Variants in SMARCC1 observed in about 807,000 individuals in gnomAD.
SMARCC1 encodes the protein SWI/SNF related BAF chromatin remodeling complex subunit C1.
Under a neutral mutation model 147.4 loss-of-function variants are expected in SMARCC1, and 43 were observed. That is an observed-to-expected ratio of 0.29 (90% CI 0.23 to 0.38). SMARCC1 has a LOEUF of 0.38. Among genes scored for constraint, SMARCC1 ranks in the 10% least tolerant of loss-of-function variants. The probability of loss-of-function intolerance (pLI) is 1.00; values close to 1 mark genes in which losing one functional copy is unlikely to be tolerated. For missense variants in SMARCC1, 1,119 were observed against 1,381.1 expected, an observed-to-expected ratio of 0.81 and a Z score of 3.01; for synonymous variants, 495 against 484.4, an observed-to-expected ratio of 1.02 and a Z score of -0.29.
At chr3:47,647,581 C>T (rs879508995) in intron 21 of SMARCC1, among the ~76,000 whole-genome samples, 5 of 152,180 alleles carry the variant, frequency 3.3e-5, no homozygotes, top group Admixed American at 6.5e-5. Context: ...TAAAGCATTT[C>T]GGGTTCTCCT....
intron 2 of SMARCC1, among the ~76,000 whole-genome samples, chr3:47,760,702 C>G (rs550263187): frequency 6.6e-6 from 1 of 152,058 alleles, no homozygotes; most frequent in African/African-American, 2.4e-5. Context: ...AACAAACAAA[C>G]GTCAATCAGC....
chr3:47,677,495 G>A (rs1246308796), intron 16 of SMARCC1, among the ~76,000 whole-genome samples: 1 of 148,578 alleles, frequency 6.7e-6, no homozygotes, highest in Non-Finnish European at 1.5e-5. Flanking sequence ...TTTATGATTT[G>A]ACTAAAAAAT....
intron 13 of SMARCC1, among the ~76,000 whole-genome samples, chr3:47,688,374 A>T (rs2033754223): frequency 6.6e-6 from 1 of 151,904 alleles, no homozygotes; most frequent in Admixed American, 6.6e-5. Context: ...TTCTTGAAAT[A>T]CTTTTCCGGA....
At chr3:47,638,033 C>G (rs905456979) in intron 22 of SMARCC1, among the ~76,000 whole-genome samples, 2 of 152,204 alleles carry the variant, frequency 1.3e-5, no homozygotes, top group African/African-American at 4.8e-5. Context: ...TTCTGTCATT[C>G]TCTCCTGGCA....
At chr3:47,738,636 A>G (rs1458817071) in intron 3 of SMARCC1, among the ~76,000 whole-genome samples, 1 of 152,094 alleles carries the variant, frequency 6.6e-6, no homozygotes, top group Non-Finnish European at 1.5e-5. Flanking sequence ...GTGAGCCGGG[A>G]TCACGCCACT....
At chr3:47,720,294 T>A (rs1394760540) in intron 7 of SMARCC1, among the ~76,000 whole-genome samples, 1 of 151,864 alleles carries the variant, frequency 6.6e-6, no homozygotes, top group African/African-American at 2.4e-5. Flanking sequence ...TGGCTAATTT[T>A]TTTTATTTTT....
At chr3:47,728,782 G>A (rs763005682) in intron 6 of SMARCC1, among the ~76,000 whole-genome samples, 19 of 152,004 alleles carry the variant, frequency 1.2e-4, no homozygotes, top group Non-Finnish European at 1.5e-4. Context: ...ATGGTGGTGG[G>A]CGCCTATATT....
intron 27 of SMARCC1, 109 bp from the exon 28 acceptor site, chr3:47,588,415 A>T (rs2032112809): frequency 1.1e-6 from 1 of 929,902 alleles, no homozygotes; most frequent in Admixed American, 2.1e-5. Flanking sequence ...AGTGGCAGGC[A>T]ACCAATGCAC....
At chr3:47,680,314 C>T in intron 15 of SMARCC1, 123 bp downstream of exon 15, 1 of 730,120 alleles carries the variant, frequency 1.4e-6, no homozygotes, top group South Asian at 1.5e-5. Context: ...GAGATATGAA[C>T]ACTGTTCTGA....
chr3:47,616,159 C>T (rs2032641110), intron 25 of SMARCC1, among the ~76,000 whole-genome samples: 1 of 152,196 alleles, frequency 6.6e-6, no homozygotes. Context: ...CCCTTCAATT[C>T]TCTCCAGGTA....
intron 25 of SMARCC1, among the ~76,000 whole-genome samples, chr3:47,612,932 C>T (rs990289879): frequency 3.9e-5 from 6 of 152,180 alleles, no homozygotes; most frequent in Non-Finnish European, 7.3e-5. Context: ...GCAGAGCTTG[C>T]CACCATGTAC....
chr3:47,703,882 C>T (rs889822942), intron 10 of SMARCC1, among the ~76,000 whole-genome samples: 3 of 152,122 alleles, frequency 2.0e-5, no homozygotes, highest in Non-Finnish European at 4.4e-5. Flanking sequence ...CTGCAAGCTC[C>T]GCCTCCTGGG....
intron 10 of SMARCC1, 36 bp downstream of exon 10, chr3:47,706,373 G>T: frequency 2.0e-6 from 3 of 1,479,390 alleles, no homozygotes; most frequent in Non-Finnish European, 2.7e-6. Flanking sequence ...CGTCCGGCCT[G>T]TTTTAATGCC....
intron 5 of SMARCC1, among the ~76,000 whole-genome samples, chr3:47,730,969 A>C (rs948651832): frequency 2.6e-5 from 4 of 152,122 alleles, no homozygotes; most frequent in African/African-American, 4.8e-5. Flanking sequence ...TGACTGATCA[A>C]GGTGGTGGTT....
At position 47,589,429 on chromosome 3, in the gene SMARCC1, C is replaced by G. The variant is rs191091642; in HGVS notation, c.3221-1123G>C. ...AAATTGGTAAAGACCAGTGATACTA[C>G]CTCTGCAATAGGGATGGAAAACTGG... On this transcript the variant is annotated intron_variant, in intron 27 of 27. Transcript: ENST00000254480. Among the ~76,000 whole-genome samples the G allele has an allele frequency of 2.9e-3, 435 of 152,208 alleles. 2 individuals are homozygous for G. Among genetic ancestry groups the G allele is most frequent in the Non-Finnish European group, 4.1e-3 (279 of 67,994 alleles).
chr3:47,610,423 A>G, intron 25 of SMARCC1, 96 bp from the exon 26 acceptor site: 1 of 1,299,584 alleles, frequency 7.7e-7, no homozygotes, highest in Non-Finnish European at 1.1e-6. Context: ...AATTACCTCT[A>G]TCCCATCACA....
chr3:47,737,995 TA>T, intron 4 of SMARCC1, 33 bp downstream of exon 4: 1 of 1,484,682 alleles, frequency 6.7e-7, no homozygotes, highest in South Asian at 1.2e-5. Context: ...ATATTAAAGG[TA>T]AACTTTTTAA....
intron 6 of SMARCC1, 66 bp downstream of exon 6, chr3:47,728,959 G>A (rs2034334852): frequency 2.1e-6 from 2 of 965,596 alleles, no homozygotes; most frequent in South Asian, 1.6e-5. Context: ...GTCTTTGGGG[G>A]TATGACATAA....
chr3:47,712,574 T>C (rs917436072), intron 8 of SMARCC1, among the ~76,000 whole-genome samples: 1 of 152,172 alleles, frequency 6.6e-6, no homozygotes, highest in Admixed American at 6.5e-5. Context: ...TATAATCTCA[T>C]TTAACTCTCC....
Sources: gnomAD v4.1 joint callset for allele counts (sites outside exome capture counted in the v4.1 genomes callset) on GRCh38, gnomAD v4.1.1 for gene constraint, MANE v1.5 for transcripts, NCBI Gene and HGNC (gene_info 2026-07-23, HGNC 2026-07-21) for gene names.